ZNF84: variants seen among roughly 807,000 people sequenced by gnomAD.
ZNF84 encodes zinc finger protein 84.
A neutral mutation model predicts 14.8 loss-of-function variants in ZNF84; 12 were observed. The ratio of observed to expected loss-of-function variants is 0.81; its 90% CI spans 0.52 to 1.31. ZNF84 has a LOEUF of 1.31. ZNF84 is among the 50% of genes most tolerant of loss of function. The probability of loss-of-function intolerance (pLI) is 0.00; values close to 1 mark genes in which losing one functional copy is unlikely to be tolerated. For missense variants in ZNF84, 859 were observed against 878.6 expected (o/e 0.98, Z 0.28); for synonymous variants, 347 against 291.1 (o/e 1.19, Z -1.96).
Position 133,062,967 on chromosome 12 carries a change from T to C in ZNF84, c.*4035T>C. ...GTACGTGTGTTTCTCACTGTGATAATATAATCATTGCATGTTTTATCTTTC... is the reference window on the plus strand; with the variant it reads ...GTACGTGTGTTTCTCACTGTGATAACATAATCATTGCATGTTTTATCTTTC... On this transcript the variant is annotated 3_prime_UTR_variant, in exon 5 of 5. Transcript: ENST00000539354. The C allele has an allele frequency of 1.6e-6, 1 of 630,656 alleles. No homozygotes were observed. The highest frequency in any genetic ancestry group is 2.8e-6 in the Non-Finnish European group (1 of 352,458). The allele number at this position is 630,656 out of a possible 1,614,324, so 39.1% of individuals were successfully genotyped here.
rs1021191098 is a variant in ZNF84 at position 133,057,639 on chromosome 12, G to C, written c.924G>C (p.Ser308=). ...TCTCCCGGAAGTCACATCTCATATCGCATTGGAGAACACACACAGGAGAGA... is the reference window on the plus strand; with the variant it reads ...TCTCCCGGAAGTCACATCTCATATCCCATTGGAGAACACACACAGGAGAGA... ...KAFSRKSHLI[S]HWRTHTGEKP... The change falls in exon 5 of 5, where the codon TCG becomes TCC. Residue 308 remains serine (S), a synonymous_variant. Transcript: ENST00000539354. 1.9e-6 allele frequency: 3 copies of C among 1,612,792 alleles called. No homozygotes were observed. Among genetic ancestry groups the C allele is most frequent in the Admixed American group, 3.3e-5 (2 of 59,864 alleles).
intron 2 of ZNF84, among the ~76,000 whole-genome samples, chr12:133,046,741 C>A (rs1023107913): frequency 2.7e-5 from 4 of 150,558 alleles, no homozygotes; most frequent in Non-Finnish European, 5.9e-5. Context: ...AGCTCACTGA[C>A]GCCTCGACCT....
At chr12:133,041,600 A>G in intron 2 of ZNF84, 118 bp downstream of exon 2, 3 of 1,077,434 alleles carry the variant, frequency 2.8e-6, no homozygotes, top group Non-Finnish European at 4.3e-6. Context: ...GCCTCAGATG[A>G]TCAGGATTGG....
intron 4 of ZNF84, among the ~76,000 whole-genome samples, chr12:133,051,958 G>A (rs982824421): frequency 6.6e-6 from 1 of 152,134 alleles, no homozygotes; most frequent in Non-Finnish European, 1.5e-5. Flanking sequence ...TAGGTACTAT[G>A]GGTATATTAG....
At position 133,059,196 on chromosome 12, in the gene ZNF84, C is replaced by CTACTCTATAAGGCTTGTCTATGGTTTT; in HGVS notation, c.*264_*265insTACTCTATAAGGCTTGTCTATGGTTTT. On this transcript the variant is annotated 3_prime_UTR_variant, in exon 5 of 5. Transcript: ENST00000539354. ...AGCAAAGAAGAATCCTGTGAATGTCCAAAAGCCTTCCAGAAGTCAAGTCTC... is the reference window on the plus strand; with the variant it reads ...AGCAAAGAAGAATCCTGTGAATGTCCTACTCTATAAGGCTTGTCTATGGTTTTAAAAGCCTTCCAGAAGTCAAGTCTC... The CTACTCTATAAGGCTTGTCTATGGTTTT allele has an allele frequency of 2.4e-6, 1 of 412,558 alleles. No homozygotes were observed. The highest frequency in any genetic ancestry group is 4.3e-6 in the Non-Finnish European group (1 of 234,046). 25.6% of individuals were successfully genotyped at this position (412,558 alleles called of 1,614,324 possible).
chr12:133,057,771 T>C lies in ZNF84; in HGVS notation c.1056T>C (p.Cys352=). 1 of 1,614,180 alleles carries C rather than the reference T, an allele frequency of 6.2e-7. No individual in the cohort carries two copies. Among genetic ancestry groups the C allele is most frequent in the Non-Finnish European group, 8.5e-7 (1 of 1,180,028 alleles). The change falls in exon 5 of 5, where the codon TGT becomes TGC. Residue 352 remains cysteine (C), a synonymous_variant. Transcript: ENST00000539354. The stretch of plus-strand genomic sequence containing the variant: ...AGAAGCCTTTTGAATGCAGGGAATG[T>C]GGGAAAGCCTTCAGCAGGAAGTCAC... The part of the protein sequence containing the change: ...TGEKPFECRE[C]GKAFSRKSQL...
chr12:133,046,832 TTA>T (rs1953986273), intron 2 of ZNF84, among the ~76,000 whole-genome samples: 1 of 145,908 alleles, frequency 6.9e-6, no homozygotes, highest in Non-Finnish European at 1.5e-5. Flanking sequence ...CAGCTAATAT[TTA>T]TATATATTTT....
chr12:133,055,616 A>G (rs1954141201), intron 4 of ZNF84, among the ~76,000 whole-genome samples: 1 of 152,212 alleles, frequency 6.6e-6, no homozygotes, highest in South Asian at 2.1e-4. Context: ...GAATGATTAC[A>G]TACCATGACT....
At chr12:133,050,312 T>C (rs1954049920) in intron 4 of ZNF84, among the ~76,000 whole-genome samples, 1 of 152,208 alleles carries the variant, frequency 6.6e-6, no homozygotes, top group Non-Finnish European at 1.5e-5. Context: ...CCCAGGTATT[T>C]ATGTACTAAC....
chr12:133,057,057 C>G lies in ZNF84; in HGVS notation c.342C>G (p.Phe114Leu). The change falls in exon 5 of 5, where the codon TTC (phenylalanine) becomes TTG (leucine). Residue 114 changes from phenylalanine to leucine, a missense_variant. Transcript: ENST00000539354. The part of the protein sequence containing the change: ...GHECDAFGKN[F>L]NLNMNFVPLR... Reference sequence around the variant, plus strand: ...AATGTGATGCATTTGGAAAAAATTTCAATCTGAACATGAACTTTGTTCCTT... The same window carrying G: ...AATGTGATGCATTTGGAAAAAATTTGAATCTGAACATGAACTTTGTTCCTT... The G allele has an allele frequency of 3.7e-6, 6 of 1,613,052 alleles. No homozygotes were observed. Among genetic ancestry groups the G allele is most frequent in the Admixed American group, 1.7e-5 (1 of 59,792 alleles).
intron 2 of ZNF84, among the ~76,000 whole-genome samples, chr12:133,044,319 T>A (rs905865202): frequency 5.8e-4 from 8 of 13,878 alleles, no homozygotes; most frequent in Non-Finnish European, 1.1e-3. Flanking sequence ...TAGTTTAAAT[T>A]TTTTTTTTTT....
rs1170459662 is a variant in ZNF84, at chr12:133,057,618, C to T, written c.903C>T (p.Ser301=). 4.3e-6 allele frequency: 7 copies of T among 1,613,922 alleles called. No individual in the cohort carries two copies. In the East Asian group the frequency reaches 1.6e-4, roughly 36 times the overall value. ...GTGGTGAATGTGGGAAAGCCTTCTC[C>T]CGGAAGTCACATCTCATATCGCATT... ...YECGECGKAF[S]RKSHLISHWR... Residue 301 remains serine, a synonymous_variant, in exon 5 of 5, where the codon TCC becomes TCT. Coordinates refer to ENST00000539354, the MANE Select transcript of ZNF84 (RefSeq NM_001289971.2).
In ZNF84 at chr12:133,058,580, C is replaced by CATGT; in HGVS notation, c.1866_1867insTGTA (p.Gly623CysfsTer7). ...CTAATTAGACATCTGAGAACTCATA[C>CATGT]AGGAGAAAAACCTTATGAATGCAAT... On this transcript the variant is annotated frameshift_variant, in exon 5 of 5. Coordinates refer to ENST00000539354, the MANE Select transcript of ZNF84 (RefSeq NM_001289971.2). LOFTEE classifies it low-confidence loss of function (END_TRUNC). 1 of 1,613,978 alleles carries CATGT rather than the reference C, an allele frequency of 6.2e-7. No individual in the cohort carries two copies. The highest frequency in any genetic ancestry group is 8.5e-7 in the Non-Finnish European group (1 of 1,179,972).
rs944517563 is a variant in ZNF84, at chr12:133,057,112, G to C, written c.397G>C (p.Asp133His). 155 of 1,612,528 alleles carry C rather than the reference G, an allele frequency of 9.6e-5. No homozygotes were observed. Among genetic ancestry groups the C allele is most frequent in the Non-Finnish European group, 1.3e-4 (151 of 1,179,682 alleles). The stretch of plus-strand genomic sequence containing the variant: ...GAAATCAAACAGTGAAGGTGACTTA[G>C]ATGGATTGATTTTAAAACATCATTT... The part of the protein sequence containing the change: ...LRKSNSEGDL[D>H]GLILKHHLDL... Residue 133 changes from aspartate (D) to histidine (H), a missense_variant, in exon 5 of 5, where the codon GAT becomes CAT. Coordinates refer to ENST00000539354, the MANE Select transcript of ZNF84 (RefSeq NM_001289971.2).
rs1593694596 is a variant in ZNF84 at position 133,041,264 on chromosome 12, C to CGTGG, written c.-190-14_-190-13insGTGG. 2 of 562,320 alleles carry CGTGG rather than the reference C, an allele frequency of 3.6e-6. No homozygotes were observed. The highest frequency in any genetic ancestry group is 5.8e-5 in the East Asian group (2 of 34,646). The allele number at this position is 562,320 out of a possible 1,614,324, so 34.8% of individuals were successfully genotyped here. A position where few individuals can be genotyped will look rare whatever the true frequency, so the allele number is the denominator to read the frequency against. ...CAATGTGAATATACCAGTTGAAGTA[C>CGTGG]ATTTCTCCCGAAGTCCACAGATCCT... On this transcript the variant is annotated splice_polypyrimidine_tract_variant and intron_variant, in intron 1 of 4. Transcript: ENST00000539354.
At chr12:133,041,549 A>C in intron 2 of ZNF84, 67 bp downstream of exon 2, 2 of 1,535,994 alleles carry the variant, frequency 1.3e-6, no homozygotes, top group South Asian at 2.2e-5. Context: ...CCTTCCGGTG[A>C]AAAAGAAAAG....
chr12:133,059,271 T>C lies in ZNF84; in HGVS notation c.*339T>C, dbSNP rs1954216892. On this transcript the variant is annotated 3_prime_UTR_variant, in exon 5 of 5. Coordinates refer to ENST00000539354, the MANE Select transcript of ZNF84 (RefSeq NM_001289971.2). ...TGGGGATGAGGGAAAACCCCATGAA[T>C]GCGGGAAATGAGGCAATATTTTTAA... The C allele has an allele frequency of 5.2e-6, 2 of 381,368 alleles. No homozygotes were observed. Among genetic ancestry groups the C allele is most frequent in the Non-Finnish European group, 9.3e-6 (2 of 214,654 alleles). 23.6% of individuals were successfully genotyped at this position (381,368 alleles called of 1,614,324 possible). A position where few individuals can be genotyped will look rare whatever the true frequency, so the allele number is the denominator to read the frequency against.
intron 2 of ZNF84, among the ~76,000 whole-genome samples, chr12:133,043,046 C>CT (rs1317495184): frequency 8.3e-6 from 1 of 120,118 alleles, no homozygotes; most frequent in Non-Finnish European, 2.1e-5. Flanking sequence ...ATTTTGTCTG[C>CT]TGTAGTGTGT....
intron 4 of ZNF84, among the ~76,000 whole-genome samples, chr12:133,053,953 A>T (rs1221833672): frequency 4.6e-5 from 7 of 152,112 alleles, no homozygotes; most frequent in Non-Finnish European, 8.8e-5. Context: ...TAATCCTACA[A>T]ATATATAACC....
Sources: gnomAD v4.1 joint callset for allele counts (sites outside exome capture counted in the v4.1 genomes callset) on GRCh38, gnomAD v4.1.1 for gene constraint, MANE v1.5 for transcripts, NCBI Gene and HGNC (gene_info 2026-07-23, HGNC 2026-07-21) for gene names.